Variants in DCC observed in about 807,000 individuals in gnomAD.
DCC encodes DCC netrin 1 receptor, also known as netrin receptor DCC.
Under a neutral mutation model 172.5 loss-of-function variants are expected in DCC, and 58 were observed. The observed-to-expected ratio is 0.34, with a 90% CI of 0.27 to 0.42. The LOEUF (loss-of-function observed/expected upper bound fraction) is 0.42, where lower values mean the gene tolerates loss of function less well. Ranked by LOEUF, DCC falls within the 10% of genes least tolerant of loss-of-function variation. The pLI is 1.00. For synonymous variants in DCC, 709 were observed against 644.5 expected, an observed-to-expected ratio of 1.10 and a Z score of -1.52; for missense variants, 1,740 against 1,791.0, an observed-to-expected ratio of 0.97 and a Z score of 0.51.
intron 22 of DCC, among the ~76,000 whole-genome samples, chr18:53,446,895 G>T (rs1364544647): frequency 5.3e-5 from 8 of 152,096 alleles, no homozygotes; most frequent in African/African-American, 1.7e-4. Flanking sequence ...CAAATGTAGT[G>T]CTGAAGTGCT....
intron 7 of DCC, among the ~76,000 whole-genome samples, chr18:53,078,375 C>A (rs931411270): frequency 6.6e-6 from 1 of 152,044 alleles, no homozygotes; most frequent in African/African-American, 2.4e-5. Flanking sequence ...ATGTTAGATA[C>A]AATTCAAAGA....
At chr18:52,935,325 G>A (rs948741472) in intron 5 of DCC, among the ~76,000 whole-genome samples, 4 of 151,778 alleles carry the variant, frequency 2.6e-5, no homozygotes. Context: ...CTAAGTGTAA[G>A]GTATGATATA....
chr18:53,221,279 C>T (rs1193230123), intron 12 of DCC, among the ~76,000 whole-genome samples: 3 of 151,886 alleles, frequency 2.0e-5, no homozygotes, highest in African/African-American at 7.2e-5. Flanking sequence ...GAATATTTTC[C>T]ATCTTCCCAA....
chr18:52,489,253 G>A (rs1373973153), intron 1 of DCC, among the ~76,000 whole-genome samples: 1 of 152,012 alleles, frequency 6.6e-6, no homozygotes, highest in Non-Finnish European at 1.5e-5. Context: ...TTTAGGAAAA[G>A]TATAGATTTA....
chr18:52,602,617 T>C (rs1320357237), intron 1 of DCC, among the ~76,000 whole-genome samples: 1 of 152,112 alleles, frequency 6.6e-6, no homozygotes, highest in Admixed American at 6.6e-5. Flanking sequence ...AAATCACGTA[T>C]ATTCAACAAT....
chr18:52,803,197 G>A (rs1051994301), intron 2 of DCC, among the ~76,000 whole-genome samples: 18 of 152,042 alleles, frequency 1.2e-4, no homozygotes, highest in Non-Finnish European at 5.9e-5. Context: ...TGTTATTCAA[G>A]GTTTACAATA....
chr18:52,977,094 C>T (rs1400190677), intron 5 of DCC, among the ~76,000 whole-genome samples: 1 of 152,126 alleles, frequency 6.6e-6, no homozygotes, highest in Non-Finnish European at 1.5e-5. Flanking sequence ...TACATGGTCA[C>T]ACTTCTCGTG....
At chr18:53,283,644 T>C (rs375240364) in intron 12 of DCC, among the ~76,000 whole-genome samples, 2 of 152,304 alleles carry the variant, frequency 1.3e-5, no homozygotes, top group African/African-American at 4.8e-5. Flanking sequence ...TCCAGGTCTG[T>C]CTAACTTCTA....
rs1164217957 is a variant in DCC at position 53,315,977 on chromosome 18, T to A, written c.2054-6070T>A. Among the ~76,000 whole-genome samples the A allele has an allele frequency of 2.0e-5, 3 of 152,200 alleles. No homozygotes were observed. In the East Asian group the frequency reaches 5.8e-4, roughly 29 times the overall value. ...GCAGAAGCTCTTTAGTTTAATTAGC[T>A]CCCATTTGTCAATTTTGGCTTTTGT... On this transcript the variant is annotated intron_variant, in intron 13 of 28. Transcript: ENST00000442544.
At chr18:53,320,205 T>C (rs978830604) in intron 13 of DCC, among the ~76,000 whole-genome samples, 1 of 151,434 alleles carries the variant, frequency 6.6e-6, no homozygotes, top group African/African-American at 2.4e-5. Flanking sequence ...CCCGAGTAGC[T>C]GGGACCACAG....
At chr18:52,379,662 A>G (rs773890160) in intron 1 of DCC, among the ~76,000 whole-genome samples, 2 of 152,186 alleles carry the variant, frequency 1.3e-5, no homozygotes, top group Non-Finnish European at 2.9e-5. Flanking sequence ...CTTGCAGTGT[A>G]GGGAATGAGC....
In DCC at chr18:53,416,069, C is replaced by T. The variant is rs1404477048; in HGVS notation, c.3131-55C>T. 4 of 1,364,132 alleles carry T rather than the reference C, an allele frequency of 2.9e-6. No homozygotes were observed. In the African/African-American group the frequency reaches 4.3e-5, roughly 15 times the overall value. The allele number at this position is 1,364,132 out of a possible 1,614,324, so 84.5% of individuals were successfully genotyped here. A position where few individuals can be genotyped will look rare whatever the true frequency, so the allele number is the denominator to read the frequency against. ...AAGAACTGTTGGTTTGATATGTCAG[C>T]TTTCTTGCTAGGAACTGTCAAAGTC... On this transcript the variant is annotated intron_variant, in intron 20 of 28. Coordinates refer to ENST00000442544, the MANE Select transcript of DCC (RefSeq NM_005215.4).
chr18:53,395,805 G>A (rs1356694578), intron 17 of DCC, among the ~76,000 whole-genome samples: 5 of 152,082 alleles, frequency 3.3e-5, no homozygotes, highest in Non-Finnish European at 5.9e-5. Flanking sequence ...ACCATGCCCA[G>A]TTAATTTTTG....
chr18:52,905,649 A>G (rs748305807), intron 2 of DCC, among the ~76,000 whole-genome samples: 16 of 152,210 alleles, frequency 1.1e-4, no homozygotes, highest in Non-Finnish European at 1.3e-4. Context: ...AATTCTGTCC[A>G]TAGGACCAGG....
chr18:52,906,316 A>G lies in DCC; in HGVS notation c.685A>G (p.Arg229Gly). 8.1e-6 allele frequency: 13 copies of G among 1,613,970 alleles called. No homozygotes were observed. Among genetic ancestry groups the G allele is most frequent in the Non-Finnish European group, 1.1e-5 (13 of 1,180,026 alleles). Residue 229 changes from arginine to glycine, a missense_variant, in exon 3 of 29, where the codon AGA becomes GGA. Transcript: ENST00000442544. ...AAGAACAGGAAATGAAGCAGAAGTC[A>G]GAATTTTATCAGGTATTGCAATGCT... ...SSRTGNEAEV[R>G]ILSDPGLHRQ...
chr18:53,323,824 T>G (rs930694024), intron 14 of DCC, among the ~76,000 whole-genome samples: 3 of 152,028 alleles, frequency 2.0e-5, no homozygotes, highest in African/African-American at 7.2e-5. Context: ...GAAGGAATAG[T>G]GAGTAAGGTA....
At chr18:53,387,354 A>G (rs1341802341) in intron 16 of DCC, among the ~76,000 whole-genome samples, 2 of 152,174 alleles carry the variant, frequency 1.3e-5, no homozygotes, top group Non-Finnish European at 2.9e-5. Context: ...CAAAGTTGCT[A>G]TTGTAGTCTC....
chr18:52,651,488 A>C (rs1239145831), intron 1 of DCC, among the ~76,000 whole-genome samples: 2 of 147,692 alleles, frequency 1.4e-5, no homozygotes, highest in African/African-American at 2.5e-5. Context: ...TAGCCTATGC[A>C]TTTTTAAAAT....
At chr18:53,376,083 T>C (rs1264642469) in intron 15 of DCC, among the ~76,000 whole-genome samples, 4 of 152,154 alleles carry the variant, frequency 2.6e-5, no homozygotes, top group Non-Finnish European at 5.9e-5. Context: ...GTTGAGATAA[T>C]TGATACAAAT....
Sources: gnomAD v4.1 joint callset for allele counts (sites outside exome capture counted in the v4.1 genomes callset) on GRCh38, gnomAD v4.1.1 for gene constraint, MANE v1.5 for transcripts, NCBI Gene and HGNC (gene_info 2026-07-23, HGNC 2026-07-21) for gene names.